TTC4: variants seen among roughly 807,000 people sequenced by gnomAD.
The protein encoded by TTC4 is hsp70/Hsp90 co-chaperone CNS1 homolog.
A neutral mutation model predicts 51.9 loss-of-function variants in TTC4; 36 were observed. That is an observed-to-expected ratio of 0.69 (90% CI 0.53 to 0.92). The LOEUF (loss-of-function observed/expected upper bound fraction) is 0.92, where lower values mean the gene tolerates loss of function less well. Ranked by LOEUF, TTC4 falls within the 40% of genes least tolerant of loss-of-function variation. The probability of loss-of-function intolerance (pLI) is 0.00; values close to 1 mark genes in which losing one functional copy is unlikely to be tolerated. For missense variants in TTC4, 399 were observed against 454.6 expected (o/e 0.88, Z 1.11); for synonymous variants, 144 against 164.2 (o/e 0.88, Z 0.94).
At position 54,741,618 on chromosome 1, in the gene TTC4, C is replaced by T. The variant is rs890137117; in HGVS notation, c.*105C>T. 4.1e-6 allele frequency: 4 copies of T among 970,584 alleles called. No individual in the cohort carries two copies. The highest frequency in any genetic ancestry group is 6.5e-6 in the Non-Finnish European group (4 of 616,240). The allele number at this position is 970,584 out of a possible 1,614,324, so 60.1% of individuals were successfully genotyped here. ...CTGGAGTCCAGTGCTTTCTTTCCGT[C>T]ACCCTGGGGATAGTCCTTCCTGGCA... On this transcript the variant is annotated 3_prime_UTR_variant, in exon 10 of 10. Transcript: ENST00000371281.
intron 4 of TTC4, among the ~76,000 whole-genome samples, 191 bp from the exon 5 acceptor site, chr1:54,722,484 C>T (rs1483295364): frequency 6.6e-6 from 1 of 152,022 alleles, no homozygotes; most frequent in African/African-American, 2.4e-5. Context: ...CTAAATGGAC[C>T]TTAGGGATTT....
Position 54,731,573 on chromosome 1 carries a change from A to C in TTC4, c.769A>C (p.Ser257Arg), listed in dbSNP as rs140090077. The C allele has an allele frequency of 1.2e-4, 191 of 1,614,132 alleles. No individual in the cohort carries two copies. The African/African-American group carries it at 2.3e-3, about 20-fold the overall frequency. The change falls in exon 7 of 10, where the codon AGC becomes CGC. Residue 257 changes from serine (S) to arginine (R), a missense_variant. Ser to Arg is a moderately radical substitution (Grantham distance 110). Transcript: ENST00000371281. ...AGGTGAGCTTTTCCTGGATGGACTC[A>C]GCACTGAGAACCCCCATGGAGCCAG... Reference protein sequence around the residue: ...GLGELFLDGLSTENPHGARLS... With the variant: ...GLGELFLDGLRTENPHGARLS...
In TTC4 at chr1:54,736,174, AG is replaced by A. The variant is rs1391191760; in HGVS notation, c.979-1406del. Among the ~76,000 whole-genome samples, 6 of 95,094 alleles carry A rather than the reference AG, an allele frequency of 6.3e-5. 1 individual carries two copies. Among genetic ancestry groups the A allele is most frequent in the African/African-American group, 3.2e-4 (6 of 18,832 alleles). The allele number at this position is 95,094 out of a possible 152,430, so 62.4% of individuals were successfully genotyped here. A position where few individuals can be genotyped will look rare whatever the true frequency, so the allele number is the denominator to read the frequency against. On this transcript the variant is annotated intron_variant, in intron 8 of 9. Coordinates refer to ENST00000371281, the MANE Select transcript of TTC4 (RefSeq NM_004623.5). ...GGGAGAAAGAGAGAGAAAGAAAGAA[AG>A]GAGAGAGAGAGAGAGAGAGAGAGAG...
At chr1:54,739,069 A>G (rs537147406) in intron 9 of TTC4, among the ~76,000 whole-genome samples, 95 of 149,586 alleles carry the variant, frequency 6.4e-4, no homozygotes, top group African/African-American at 2.2e-3. Flanking sequence ...ATGGGGTTTT[A>G]CCATGTTGGC....
chr1:54,729,856 G>C (rs1418341369), intron 6 of TTC4, among the ~76,000 whole-genome samples: 1 of 152,012 alleles, frequency 6.6e-6, no homozygotes, highest in Admixed American at 6.6e-5. Flanking sequence ...GAGTAGCTGG[G>C]ACTACAGGTG....
intron 9 of TTC4, 58 bp from the exon 10 acceptor site, chr1:54,741,353 A>G (rs996283623): frequency 2.1e-6 from 3 of 1,421,706 alleles, no homozygotes; most frequent in African/African-American, 1.4e-5. Context: ...AGGAAGGTGC[A>G]TGGATGGTTA....
chr1:54,725,335 G>A (rs1393123335), intron 5 of TTC4, among the ~76,000 whole-genome samples: 1 of 152,200 alleles, frequency 6.6e-6, no homozygotes. Flanking sequence ...TAACACTGGA[G>A]CAAACAATAG....
At chr1:54,740,044 G>A (rs1645993178) in intron 9 of TTC4, among the ~76,000 whole-genome samples, 1 of 152,100 alleles carries the variant, frequency 6.6e-6, no homozygotes. Flanking sequence ...TTATGGTGTT[G>A]TGCACCTGTA....
chr1:54,727,952 C>T (rs763063001), intron 5 of TTC4, among the ~76,000 whole-genome samples: 5 of 152,116 alleles, frequency 3.3e-5, no homozygotes, highest in African/African-American at 1.2e-4. Flanking sequence ...CCATTGCATA[C>T]CCACTAGGGT....
intron 1 of TTC4, 44 bp downstream of exon 1, chr1:54,716,063 C>A: frequency 6.6e-7 from 1 of 1,504,034 alleles, no homozygotes; most frequent in Non-Finnish European, 9.1e-7. Context: ...GGGCGTCGTC[C>A]GGACTCGTGG....
Position 54,715,951 on chromosome 1 carries a change from G to T in TTC4, c.43G>T (p.Asp15Tyr), listed in dbSNP as rs1645668152. Residue 15 changes from aspartate (D) to tyrosine (Y), a missense_variant, in exon 1 of 10, where the codon GAC (aspartate) becomes TAC (tyrosine). Physicochemically the swap from Asp to Tyr is radical, Grantham distance 160 (BLOSUM62 -3). Coordinates refer to ENST00000371281, the MANE Select transcript of TTC4 (RefSeq NM_004623.5). ...GQDPTSDDVM[D>Y]SFLEKFQSQP... Reference sequence around the variant, plus strand: ...GGATCCCACCTCAGACGACGTCATGGACTCGTTCCTGGAAAAGTTCCAGAG... The same window carrying T: ...GGATCCCACCTCAGACGACGTCATGTACTCGTTCCTGGAAAAGTTCCAGAG... The T allele has an allele frequency of 6.2e-7, 1 of 1,607,598 alleles. No homozygotes were observed. The highest frequency in any genetic ancestry group is 8.5e-7 in the Non-Finnish European group (1 of 1,177,184).
chr1:54,739,513 G>C (rs964104078), intron 9 of TTC4, among the ~76,000 whole-genome samples: 1 of 152,178 alleles, frequency 6.6e-6, no homozygotes, highest in Non-Finnish European at 1.5e-5. Context: ...AAACTGCACA[G>C]GGCAGTCCTG....
rs886743999 is a variant in TTC4, at chr1:54,715,883, C to A, written c.-26C>A. 4 of 1,570,518 alleles carry A rather than the reference C, an allele frequency of 2.5e-6. No individual in the cohort carries two copies. The South Asian group carries it at 4.6e-5, about 18-fold the overall frequency. On this transcript the variant is annotated 5_prime_UTR_variant, in exon 1 of 10. Transcript: ENST00000371281. ...GCCGCTCGCTTCACGGCGCTGGGAC[C>A]CGGGCTGGAAGGCAGGGCATCAGCT...
Position 54,742,572 on chromosome 1 carries a change from G to A in TTC4, c.*1059G>A, listed in dbSNP as rs1357513415. On this transcript the variant is annotated 3_prime_UTR_variant, in exon 10 of 10. Transcript: ENST00000371281. Reference sequence around the variant, plus strand: ...CAGCAATGAGAGAGCAATGTTTGCTGTAGTAAGCAGTGAGATTTAGGGGTT... The same window carrying A: ...CAGCAATGAGAGAGCAATGTTTGCTATAGTAAGCAGTGAGATTTAGGGGTT... 1 of 152,292 alleles carries A rather than the reference G, an allele frequency of 6.6e-6. No individual in the cohort carries two copies. The allele number at this position is 152,292 out of a possible 1,614,324, so 9.4% of individuals were successfully genotyped here.
At chr1:54,721,842 C>T (rs1029374102) in intron 4 of TTC4, among the ~76,000 whole-genome samples, 2 of 152,184 alleles carry the variant, frequency 1.3e-5, no homozygotes, top group Non-Finnish European at 2.9e-5. Flanking sequence ...ATCCATGTCC[C>T]TCAGCTGTAG....
intron 5 of TTC4, among the ~76,000 whole-genome samples, chr1:54,725,159 ACC>A (rs1461533031): frequency 6.6e-6 from 1 of 151,964 alleles, no homozygotes; most frequent in African/African-American, 2.4e-5. Flanking sequence ...TCCCTGGAAG[ACC>A]CCGCTCACAG....
At position 54,718,024 on chromosome 1, in the gene TTC4, T is replaced by C. The variant is rs980079406; in HGVS notation, c.391+371T>C. Reference sequence around the variant, plus strand: ...GAGTAAGGCAGTAGAGATCTTTAGGTGAGATAAGCTATTTTAATCTAAGGG... The same window carrying C: ...GAGTAAGGCAGTAGAGATCTTTAGGCGAGATAAGCTATTTTAATCTAAGGG... On this transcript the variant is annotated intron_variant, in intron 3 of 9. Transcript: ENST00000371281. Among the ~76,000 whole-genome samples, 11 of 152,248 alleles carry C rather than the reference T, an allele frequency of 7.2e-5. No individual in the cohort carries two copies. In the East Asian group the frequency reaches 2.1e-3, roughly 29 times the overall value.
chr1:54,738,307 C>T (rs1645971636), intron 9 of TTC4, among the ~76,000 whole-genome samples: 1 of 152,186 alleles, frequency 6.6e-6, no homozygotes, highest in Non-Finnish European at 1.5e-5. Flanking sequence ...CCCACCGGGT[C>T]CCTCCCACAA....
chr1:54,731,822 T>G, intron 7 of TTC4, 122 bp downstream of exon 7: 1 of 926,774 alleles, frequency 1.1e-6, no homozygotes, highest in South Asian at 1.7e-5. Context: ...TTTCACACCA[T>G]CTGGTTTGAT....
Sources: allele counts gnomAD v4.1 joint callset (sites outside exome capture counted in the v4.1 genomes callset), GRCh38; gene constraint gnomAD v4.1.1; transcripts MANE v1.5; gene names NCBI Gene and HGNC (gene_info 2026-07-23, HGNC 2026-07-21).